The following PHF24 variants were observed in gnomAD, a reference collection of about 807,000 sequenced individuals.
PHF24 encodes the protein Galpha inhibitory interacting protein.
Under a neutral mutation model 42.6 loss-of-function variants are expected in PHF24, and 25 were observed. The observed-to-expected ratio is 0.59, with a 90% CI of 0.43 to 0.82. The LOEUF is 0.82. Among genes scored for constraint, PHF24 ranks in the 40% least tolerant of loss-of-function variants. PHF24 has a pLI of 0.00. For missense variants in PHF24, 470 were observed against 538.1 expected, an observed-to-expected ratio of 0.87 and a Z score of 1.25; for synonymous variants, 185 against 204.8, an observed-to-expected ratio of 0.90 and a Z score of 0.83.
chr9:34,781,128 T>C, the PHF24 span, among the ~76,000 whole-genome samples: 1 of 152,292 alleles, frequency 6.6e-6, no homozygotes, highest in Non-Finnish European at 1.5e-5. Context: ...CCTAGGTAAA[T>C]ACCCAAACTA....
At chr9:34,922,551 TCTC>T in the PHF24 span, 5 of 968,024 alleles carry the variant, frequency 5.2e-6, no homozygotes, top group South Asian at 1.3e-5. Flanking sequence ...ATGGTAGTGA[TCTC>T]CTTTCATTTT....
the PHF24 span, among the ~76,000 whole-genome samples, chr9:34,877,853 C>G: frequency 2.6e-5 from 4 of 152,086 alleles, no homozygotes; most frequent in Non-Finnish European, 5.9e-5. Flanking sequence ...TTAGGTATTT[C>G]TCTTAATGCT....
the PHF24 span, among the ~76,000 whole-genome samples, chr9:34,669,079 C>T: frequency 6.6e-6 from 1 of 152,164 alleles, no homozygotes; most frequent in African/African-American, 2.4e-5. Flanking sequence ...CCCGCCTTTC[C>T]AGACTGAACC....
At chr9:34,838,515 A>G in the PHF24 span, 3 of 1,328,890 alleles carry the variant, frequency 2.3e-6, no homozygotes, top group Non-Finnish European at 3.2e-6. Flanking sequence ...CATTAGCATG[A>G]GATCAGCCAT....
the PHF24 span, among the ~76,000 whole-genome samples, chr9:34,904,459 T>G: frequency 1.1e-4 from 16 of 152,172 alleles, no homozygotes; most frequent in African/African-American, 3.6e-4. Context: ...GTCGAATGCT[T>G]TTTCTGCATC....
the PHF24 span, among the ~76,000 whole-genome samples, chr9:34,780,304 T>C: frequency 1.3e-5 from 1 of 79,764 alleles, no homozygotes; most frequent in African/African-American, 3.7e-5. Flanking sequence ...TTTTCTTTTT[T>C]TTTTTTTTTT....
At chr9:34,879,868 C>T in the PHF24 span, among the ~76,000 whole-genome samples, 5 of 151,964 alleles carry the variant, frequency 3.3e-5, no homozygotes, top group South Asian at 2.1e-4. Flanking sequence ...AGATACTCCT[C>T]GAGAAGAGCA....
At chr9:34,965,786 T>G (rs562485564) in intron 1 of PHF24, among the ~76,000 whole-genome samples, 2 of 152,232 alleles carry the variant, frequency 1.3e-5, no homozygotes, top group African/African-American at 2.4e-5. Flanking sequence ...AACTGGCTGG[T>G]CTTTGTTCAA....
chr9:34,845,390 G>C, the PHF24 span, among the ~76,000 whole-genome samples: 1 of 152,098 alleles, frequency 6.6e-6, no homozygotes, highest in South Asian at 2.1e-4. Flanking sequence ...TTGTTTTATA[G>C]ACCCTTTATT....
chr9:34,788,265 A>G, the PHF24 span, among the ~76,000 whole-genome samples: 1 of 151,414 alleles, frequency 6.6e-6, no homozygotes, highest in African/African-American at 2.4e-5. Context: ...CTGGTCTTGA[A>G]CTCCTAAGCT....
At chr9:34,896,001 A>G in the PHF24 span, among the ~76,000 whole-genome samples, 6 of 152,200 alleles carry the variant, frequency 3.9e-5, no homozygotes, top group African/African-American at 1.2e-4. Context: ...GGTCATGGGC[A>G]ACATGTACCT....
At chr9:34,857,274 C>G in the PHF24 span, among the ~76,000 whole-genome samples, 1 of 152,176 alleles carries the variant, frequency 6.6e-6, no homozygotes, top group East Asian at 1.9e-4. Flanking sequence ...CCACTTGACT[C>G]TTTAGATTCA....
At chr9:34,735,976 C>T in the PHF24 span, among the ~76,000 whole-genome samples, 6 of 151,666 alleles carry the variant, frequency 4.0e-5, no homozygotes, top group Non-Finnish European at 8.8e-5. Context: ...GAGATGGCAA[C>T]TCTAAGAAAT....
At chr9:34,724,543 G>A in the PHF24 span, 7 of 1,549,850 alleles carry the variant, frequency 4.5e-6, no homozygotes, top group South Asian at 8.3e-5. Context: ...GTATCTCTAG[G>A]ACCTTTTTTC....
chr9:34,912,260 G>A, the PHF24 span, among the ~76,000 whole-genome samples: 7 of 152,110 alleles, frequency 4.6e-5, no homozygotes, highest in African/African-American at 7.2e-5. Flanking sequence ...AAGAGTTCCT[G>A]TTACTTTTCT....
chr9:34,846,636 G>A, the PHF24 span, among the ~76,000 whole-genome samples: 4 of 152,228 alleles, frequency 2.6e-5, no homozygotes, highest in African/African-American at 9.6e-5. Flanking sequence ...GGCTTTTGTT[G>A]CCTTTGCTTT....
chr9:34,679,512 C>T, the PHF24 span, among the ~76,000 whole-genome samples: 2 of 152,172 alleles, frequency 1.3e-5, no homozygotes, highest in Admixed American at 6.5e-5. Flanking sequence ...GTCAGGAGAT[C>T]GAGACCATCC....
chr9:34,674,724 C>T, the PHF24 span, among the ~76,000 whole-genome samples: 3 of 152,288 alleles, frequency 2.0e-5, no homozygotes, highest in Admixed American at 6.5e-5. Flanking sequence ...TATGCTTAAA[C>T]GATTGTAGTG....
exon 8 of PHF24, chr9:34,980,880 A>C (rs1391632844): frequency 6.6e-6 from 1 of 152,190 alleles, no homozygotes; most frequent in Non-Finnish European, 1.5e-5. Flanking sequence ...TGCCCTAAGC[A>C]TTTTTCACCT....
Sources: gnomAD v4.1 joint callset for allele counts (sites outside exome capture counted in the v4.1 genomes callset) on GRCh38, gnomAD v4.1.1 for gene constraint, MANE v1.5 for transcripts, NCBI Gene and HGNC (gene_info 2026-07-23, HGNC 2026-07-21) for gene names.